Variants in RAB27B observed in about 807,000 individuals in gnomAD.
RAB27B encodes RAB27B, member RAS oncogene family.
RAB27B carries 15 observed loss-of-function variants against 24.6 expected under a neutral mutation model. That is an observed-to-expected ratio of 0.61 (90% confidence interval 0.41 to 0.94). The LOEUF is 0.94. RAB27B is among the 40% of genes least tolerant of loss of function. RAB27B has a pLI of 0.00. For synonymous variants in RAB27B, 105 were observed against 92.5 expected, an observed-to-expected ratio of 1.14 and a Z score of -0.78; for missense variants, 261 against 266.8, an observed-to-expected ratio of 0.98 and a Z score of 0.15.
intron 2 of RAB27B, among the ~76,000 whole-genome samples, chr18:54,754,777 T>C (rs1441025145): frequency 1.3e-5 from 2 of 152,240 alleles, no homozygotes; most frequent in East Asian, 1.9e-4. Flanking sequence ...CATATATTGT[T>C]ATGAGTATTG....
At chr18:54,764,907 GAA>G (rs2145057757) in intron 2 of RAB27B, among the ~76,000 whole-genome samples, 1 of 152,174 alleles carries the variant, frequency 6.6e-6, no homozygotes, top group Non-Finnish European at 1.5e-5. Context: ...AAATGGTTTT[GAA>G]AAAGACTGCT....
chr18:54,878,464 T>C (rs927796222), intron 2 of RAB27B, among the ~76,000 whole-genome samples: 3 of 152,132 alleles, frequency 2.0e-5, no homozygotes, highest in African/African-American at 4.8e-5. Context: ...TCCCTGAGAA[T>C]TGGGAAAGAA....
chr18:54,742,488 G>C (rs1475756084), intron 2 of RAB27B, among the ~76,000 whole-genome samples: 1 of 152,126 alleles, frequency 6.6e-6, no homozygotes, highest in Non-Finnish European at 1.5e-5. Context: ...TAAAGTATAA[G>C]GTCATTTAAA....
intron 2 of RAB27B, among the ~76,000 whole-genome samples, chr18:54,795,229 G>C (rs1438826889): frequency 6.6e-6 from 1 of 152,168 alleles, no homozygotes; most frequent in Non-Finnish European, 1.5e-5. Context: ...CCTAGACTAG[G>C]AAGTAGCTGT....
intron 2 of RAB27B, among the ~76,000 whole-genome samples, chr18:54,753,987 G>A (rs1907919729): frequency 6.6e-6 from 1 of 152,082 alleles, no homozygotes; most frequent in African/African-American, 2.4e-5. Context: ...ACAGAATGAG[G>A]GTTGAACAGG....
intron 2 of RAB27B, among the ~76,000 whole-genome samples, chr18:54,775,551 G>A (rs1180086804): frequency 3.9e-5 from 6 of 152,170 alleles, no homozygotes; most frequent in Non-Finnish European, 8.8e-5. Context: ...TGCCACTAAT[G>A]TATATGTACC....
intron 2 of RAB27B, among the ~76,000 whole-genome samples, chr18:54,754,505 A>G (rs1907941810): frequency 6.6e-6 from 1 of 152,200 alleles, no homozygotes; most frequent in Admixed American, 6.5e-5. Context: ...TGCAAAGTAC[A>G]GTGAGAAGCA....
At chr18:54,838,460 A>G (rs1910980195) in intron 1 of RAB27B, among the ~76,000 whole-genome samples, 1 of 152,098 alleles carries the variant, frequency 6.6e-6, no homozygotes, top group Non-Finnish European at 1.5e-5. Context: ...TTATACCACC[A>G]TCTGGGTGCT....
intron 2 of RAB27B, among the ~76,000 whole-genome samples, chr18:54,801,754 C>T (rs2145130997): frequency 6.6e-6 from 1 of 152,318 alleles, no homozygotes; most frequent in South Asian, 2.1e-4. Flanking sequence ...AGGAGGAGGA[C>T]AGTGGCCTCA....
chr18:54,780,289 C>T (rs942786612), intron 2 of RAB27B, among the ~76,000 whole-genome samples: 1 of 127,244 alleles, frequency 7.9e-6, no homozygotes, highest in Non-Finnish European at 1.6e-5. Flanking sequence ...CCGTGTCTTC[C>T]GCATCCTGAC....
intron 2 of RAB27B, among the ~76,000 whole-genome samples, chr18:54,728,753 G>C (rs1426297523): frequency 6.6e-6 from 1 of 151,454 alleles, no homozygotes; most frequent in African/African-American, 2.4e-5. Flanking sequence ...GTGCACACCT[G>C]TAATCCCAGC....
At chr18:54,873,649 A>G (rs550140936) in intron 1 of RAB27B, among the ~76,000 whole-genome samples, 2 of 151,662 alleles carry the variant, frequency 1.3e-5, no homozygotes, top group South Asian at 4.2e-4. Flanking sequence ...ACTCAAAAAA[A>G]TCACATAATA....
At chr18:54,845,455 T>C (rs532115299) in intron 1 of RAB27B, among the ~76,000 whole-genome samples, 9 of 151,494 alleles carry the variant, frequency 5.9e-5, no homozygotes, top group Admixed American at 5.3e-4. Flanking sequence ...AATACGTCCC[T>C]TCGGATACCT....
At chr18:54,810,845 TAAA>T (rs1909939170) in intron 2 of RAB27B, among the ~76,000 whole-genome samples, 1 of 140,342 alleles carries the variant, frequency 7.1e-6, no homozygotes, top group East Asian at 2.0e-4. Flanking sequence ...AATAAATAAA[TAAA>T]TAAATAAATA....
At chr18:54,866,253 G>A (rs927005265) in intron 1 of RAB27B, among the ~76,000 whole-genome samples, 1 of 150,512 alleles carries the variant, frequency 6.6e-6, no homozygotes, top group African/African-American at 2.4e-5. Context: ...GGATCCTGGT[G>A]GGATCCTTCT....
intron 1 of RAB27B, among the ~76,000 whole-genome samples, chr18:54,834,071 C>T (rs372096844): frequency 2.7e-4 from 41 of 152,290 alleles, no homozygotes; most frequent in Middle Eastern, 3.4e-3. Context: ...TACAAGAACA[C>T]AATTTGTTTA....
rs1908043325 is a variant in RAB27B at position 54,757,472 on chromosome 18, A to G, written c.-20+39331A>G. ...TTTCATCTTAATTTGAGAAACAACA[A>G]TTGCATAATAGTAACAAAGATGGTG... On this transcript the variant is annotated intron_variant, in intron 2 of 4. Transcript: ENST00000586570. Among the ~76,000 whole-genome samples the G allele has an allele frequency of 2.0e-5, 3 of 152,186 alleles. No individual in the cohort carries two copies. In the South Asian group the frequency reaches 6.2e-4, roughly 31 times the overall value.
chr18:54,845,449 C>T (rs1212206704), intron 1 of RAB27B, among the ~76,000 whole-genome samples: 3 of 146,368 alleles, frequency 2.0e-5, no homozygotes, highest in East Asian at 2.0e-4. Flanking sequence ...GAAGAAAATA[C>T]GTCCCTTCGG....
At chr18:54,867,424 T>A (rs915825131) in intron 1 of RAB27B, among the ~76,000 whole-genome samples, 7 of 53,090 alleles carry the variant, frequency 1.3e-4, no homozygotes, top group African/African-American at 3.2e-4. Context: ...AGCCTGATGC[T>A]TTCTTTTCTT....
Sources: gnomAD v4.1 joint callset for allele counts (sites outside exome capture counted in the v4.1 genomes callset) on GRCh38, gnomAD v4.1.1 for gene constraint, MANE v1.5 for transcripts, NCBI Gene and HGNC (gene_info 2026-07-23, HGNC 2026-07-21) for gene names.